The following ZDHHC9 variants were observed in gnomAD, a reference collection of about 807,000 sequenced individuals.
ZDHHC9 encodes the protein zDHHC palmitoyltransferase 9.
ZDHHC9 carries 3 observed loss-of-function variants against 26.6 expected under a neutral mutation model. The observed-to-expected ratio is 0.11, with a 90% CI of 0.05 to 0.29. The LOEUF is 0.29. Ranked by LOEUF, ZDHHC9 falls within the 10% of genes least tolerant of loss-of-function variation. The probability of loss-of-function intolerance (pLI) is 1.00; values close to 1 mark genes in which losing one functional copy is unlikely to be tolerated. For missense variants in ZDHHC9, 146 were observed against 296.4 expected, an observed-to-expected ratio of 0.49 and a Z score of 3.73; for synonymous variants, 111 against 109.4, an observed-to-expected ratio of 1.01 and a Z score of -0.09.
intron 6 of ZDHHC9, 124 bp from the exon 7 acceptor site, chrX:129,813,849 C>T: frequency 1.6e-6 from 1 of 636,459 alleles, no homozygotes; most frequent in African/African-American, 2.2e-5. Flanking sequence ...AAGAGCTAAG[C>T]TCTCACTCGG....
intron 3 of ZDHHC9, among the ~76,000 whole-genome samples, chrX:129,837,115 G>A (rs979334198): frequency 8.9e-6 from 1 of 111,893 alleles, no homozygotes; most frequent in Non-Finnish European, 1.9e-5. Context: ...ACACAAGGAG[G>A]GAGATAGTCT....
rs1432845585 is a variant in ZDHHC9, at chrX:129,804,449, A to G, written c.*1921T>C. 9.0e-6 allele frequency: 1 copy of G among 111,376 alleles called. No individual in the cohort carries two copies. Among genetic ancestry groups the G allele is most frequent in the Non-Finnish European group, 1.9e-5 (1 of 53,033 alleles). The allele number at this position is 111,376 out of a possible 1,213,427, so 9.2% of individuals were successfully genotyped here. On this transcript the variant is annotated 3_prime_UTR_variant, in exon 11 of 11. Coordinates refer to ENST00000357166, the MANE Select transcript of ZDHHC9 (RefSeq NM_016032.4). ...ATGGAAAAAGGTCTGGGAGCAGCCA[A>G]ATTTCATTAATTCCAATTAACTGGG... is the stretch of plus-strand genomic sequence containing the variant.
intron 5 of ZDHHC9, among the ~76,000 whole-genome samples, chrX:129,817,576 C>A (rs1932216505): frequency 1.8e-5 from 2 of 111,346 alleles, no homozygotes; most frequent in South Asian, 7.5e-4. Context: ...TATCTATTTC[C>A]AAAACCCTTT....
At chrX:129,828,393 C>T (rs908034600) in intron 4 of ZDHHC9, among the ~76,000 whole-genome samples, 2 of 109,705 alleles carry the variant, frequency 1.8e-5, no homozygotes, top group Non-Finnish European at 3.8e-5. Context: ...GAGATCAAGG[C>T]GGGCGGATCA....
chrX:129,827,144 A>G (rs1249638307), intron 4 of ZDHHC9, among the ~76,000 whole-genome samples: 2 of 109,408 alleles, frequency 1.8e-5, no homozygotes, highest in African/African-American at 6.7e-5. Context: ...CAGTGAGCTG[A>G]GATCACGCCA....
At chrX:129,821,296 C>T (rs1046742342) in intron 5 of ZDHHC9, among the ~76,000 whole-genome samples, 1 of 99,399 alleles carries the variant, frequency 1.0e-5, no homozygotes, top group African/African-American at 3.7e-5. Context: ...AGACCTTCTT[C>T]TTTTTTTTTT....
At chrX:129,826,836 G>A (rs948710692) in intron 4 of ZDHHC9, among the ~76,000 whole-genome samples, 33 of 111,839 alleles carry the variant, frequency 3.0e-4, no homozygotes, top group African/African-American at 8.4e-4. Context: ...ACTAAAACAG[G>A]CTGGAATTTT....
At chrX:129,824,603 T>G (rs1447729488) in intron 4 of ZDHHC9, among the ~76,000 whole-genome samples, 1 of 112,112 alleles carries the variant, frequency 8.9e-6, no homozygotes, top group Non-Finnish European at 1.9e-5. Context: ...TACCAAAGTT[T>G]TAAACGTGTA....
At chrX:129,836,057 C>T (rs1282397127) in intron 3 of ZDHHC9, among the ~76,000 whole-genome samples, 1 of 111,471 alleles carries the variant, frequency 9.0e-6, no homozygotes, top group Non-Finnish European at 1.9e-5. Flanking sequence ...GGTTACAGAG[C>T]ACAATATAGT....
rs1927659086 is a variant in ZDHHC9 at position 129,812,233 on chromosome X, A to G, written c.777+485T>C. 2.7e-5 allele frequency among the ~76,000 whole-genome samples: 3 copies of G among 111,201 alleles called. No individual in the cohort carries two copies. The Admixed American group carries it at 2.9e-4, about 11-fold the overall frequency. ...CGAGTAGCTGGGACTACAGGTGCAC[A>G]CTAACACATCCGGCTATATTTTTGT... On this transcript the variant is annotated intron_variant, in intron 8 of 10. Coordinates refer to ENST00000357166, the MANE Select transcript of ZDHHC9 (RefSeq NM_016032.4).
At chrX:129,825,732 G>T (rs973727209) in intron 4 of ZDHHC9, among the ~76,000 whole-genome samples, 3 of 111,418 alleles carry the variant, frequency 2.7e-5, no homozygotes, top group Non-Finnish European at 5.7e-5. Context: ...TTCTAAAACA[G>T]AAAGAATAAA....
In ZDHHC9 at chrX:129,804,217, T is replaced by G. The variant is rs1160911864; in HGVS notation, c.*2153A>C. The G allele has an allele frequency of 9.1e-6, 1 of 110,389 alleles. No individual in the cohort carries two copies. Among genetic ancestry groups the G allele is most frequent in the Admixed American group, 9.6e-5 (1 of 10,377 alleles). 9.1% of individuals were successfully genotyped at this position (110,389 alleles called of 1,213,427 possible). A position where few individuals can be genotyped will look rare whatever the true frequency, so the allele number is the denominator to read the frequency against. On this transcript the variant is annotated 3_prime_UTR_variant, in exon 11 of 11. Coordinates refer to ENST00000357166, the MANE Select transcript of ZDHHC9 (RefSeq NM_016032.4). ...CTTATTAAAATGGGGTTCATATGAG[T>G]GCCAAGTTACCTGGGGAAACCTAAC...
intron 5 of ZDHHC9, among the ~76,000 whole-genome samples, chrX:129,818,996 T>C (rs978540700): frequency 2.8e-5 from 3 of 107,307 alleles, no homozygotes; most frequent in African/African-American, 1.0e-4. Flanking sequence ...CACGGTGAAA[T>C]CCCGTCTCTA....
Position 129,804,226 on chromosome X carries a change from A to C in ZDHHC9, c.*2144T>G, listed in dbSNP as rs1375089569. On this transcript the variant is annotated 3_prime_UTR_variant, in exon 11 of 11. Coordinates refer to ENST00000357166, the MANE Select transcript of ZDHHC9 (RefSeq NM_016032.4). ...ATGGGGTTCATATGAGTGCCAAGTT[A>C]CCTGGGGAAACCTAACAACTTACAA... 2 of 110,654 alleles carry C rather than the reference A, an allele frequency of 1.8e-5. No homozygotes were observed. Among genetic ancestry groups the C allele is most frequent in the Non-Finnish European group, 3.8e-5 (2 of 52,919 alleles). The allele number at this position is 110,654 out of a possible 1,213,427, so 9.1% of individuals were successfully genotyped here.
intron 4 of ZDHHC9, among the ~76,000 whole-genome samples, chrX:129,828,133 G>A (rs1358505304): frequency 1.8e-5 from 2 of 111,908 alleles, no homozygotes; most frequent in East Asian, 5.7e-4. Context: ...AGGAATTCTT[G>A]GTTGGGGGGG....
intron 5 of ZDHHC9, among the ~76,000 whole-genome samples, chrX:129,815,998 C>T (rs1927748856): frequency 9.0e-6 from 1 of 111,543 alleles, no homozygotes; most frequent in Non-Finnish European, 1.9e-5. Context: ...AAAATCCACC[C>T]ATACTCAAGT....
intron 10 of ZDHHC9, 34 bp downstream of exon 10, chrX:129,810,871 T>C (rs1172657701): frequency 8.7e-7 from 1 of 1,153,996 alleles, no homozygotes; most frequent in Non-Finnish European, 1.2e-6. Context: ...CCGCCCTCTC[T>C]ATATCGACCC....
intron 3 of ZDHHC9, among the ~76,000 whole-genome samples, chrX:129,840,904 C>T (rs902965570): frequency 5.4e-5 from 6 of 110,912 alleles, no homozygotes; most frequent in Admixed American, 3.8e-4. Context: ...ATTTCCAGGT[C>T]ACCCATGTAC....
intron 5 of ZDHHC9, 97 bp from the exon 6 acceptor site, chrX:129,814,892 T>C: frequency 3.0e-6 from 3 of 991,565 alleles, no homozygotes; most frequent in Non-Finnish European, 4.2e-6. Flanking sequence ...TCCAGGATCA[T>C]TGTCTATTTC....
Sources: allele counts gnomAD v4.1 joint callset (sites outside exome capture counted in the v4.1 genomes callset), GRCh38; gene constraint gnomAD v4.1.1; transcripts MANE v1.5; gene names NCBI Gene and HGNC (gene_info 2026-07-23, HGNC 2026-07-21).